Variants in KLHDC4 observed in about 807,000 individuals in gnomAD.
KLHDC4 encodes kelch domain-containing protein 4.
Under a neutral mutation model 62.4 loss-of-function variants are expected in KLHDC4, and 90 were observed. The observed-to-expected ratio is 1.44, with a 90% CI of 1.22 to 1.72. The LOEUF (loss-of-function observed/expected upper bound fraction) is 1.72, where lower values mean the gene tolerates loss of function less well. Among genes scored for constraint, KLHDC4 ranks in the 40% most tolerant of loss-of-function variants. The pLI is 0.00. For synonymous variants in KLHDC4, 386 were observed against 284.4 expected, an observed-to-expected ratio of 1.36 and a Z score of -3.59; for missense variants, 1,025 against 699.7, an observed-to-expected ratio of 1.47 and a Z score of -5.25.
chr16:87,733,790 G>A (rs1382600490), intron 5 of KLHDC4, among the ~76,000 whole-genome samples: 2 of 147,822 alleles, frequency 1.4e-5, no homozygotes, highest in African/African-American at 2.5e-5. Context: ...CTGATGACCT[G>A]CCTCGCCTCC....
chr16:87,724,371 T>C (rs1377153377), intron 7 of KLHDC4, among the ~76,000 whole-genome samples: 3 of 152,182 alleles, frequency 2.0e-5, no homozygotes, highest in African/African-American at 7.2e-5. Context: ...CGTAATAAAT[T>C]AGATTTTATC....
chr16:87,756,091 G>C (rs1809059570), intron 3 of KLHDC4: 5 of 224,250 alleles, frequency 2.2e-5, no homozygotes, highest in Non-Finnish European at 4.5e-5. Context: ...GTGAAACCTG[G>C]AAACCCGCTG....
At chr16:87,721,786 T>A (rs7184429) in intron 7 of KLHDC4, among the ~76,000 whole-genome samples, 1 of 152,096 alleles carries the variant, frequency 6.6e-6, no homozygotes, top group Non-Finnish European at 1.5e-5. Context: ...CCTCTCCTGG[T>A]TATGCATGGA....
At chr16:87,721,848 G>A (rs1387676544) in intron 7 of KLHDC4, among the ~76,000 whole-genome samples, 3 of 152,182 alleles carry the variant, frequency 2.0e-5, no homozygotes, top group Admixed American at 6.5e-5. Flanking sequence ...CAAAACGCAG[G>A]CAGGAAGGAG....
In KLHDC4 at chr16:87,711,368, G is replaced by GC; in HGVS notation, c.910dup (p.Ala304GlyfsTer14). Reference sequence around the variant, plus strand: ...GAAGAACAGTGTCTGGTGATTCGGGGCCATGGCCACGGAAAAGCCAGACCG... The same window carrying GC: ...GAAGAACAGTGTCTGGTGATTCGGGGCCCATGGCCACGGAAAAGCCAGACCG... On this transcript the variant is annotated frameshift_variant, in exon 9 of 12. Transcript: ENST00000270583. LOFTEE classifies it high-confidence loss of function. 6.2e-7 allele frequency: 1 copy of GC among 1,613,860 alleles called. No homozygotes were observed. The highest frequency in any genetic ancestry group is 1.1e-5 in the South Asian group (1 of 91,082).
At chr16:87,708,618 T>C (rs895361884) in intron 10 of KLHDC4, 152 bp from the exon 11 acceptor site, 5 of 460,542 alleles carry the variant, frequency 1.1e-5, no homozygotes, top group African/African-American at 7.9e-5. Context: ...CCCCTTCAGA[T>C]CCACAAAGGA....
chr16:87,764,204 C>G (rs1355833426), intron 1 of KLHDC4, among the ~76,000 whole-genome samples: 2 of 152,202 alleles, frequency 1.3e-5, no homozygotes. Flanking sequence ...CTAGCCTAAT[C>G]AGACGCCCAC....
chr16:87,716,063 C>A (rs926778511), intron 7 of KLHDC4, among the ~76,000 whole-genome samples: 1 of 152,200 alleles, frequency 6.6e-6, no homozygotes, highest in African/African-American at 2.4e-5. Flanking sequence ...GATATTGACA[C>A]AGACTTCAGG....
chr16:87,755,213 G>A lies in KLHDC4; in HGVS notation c.350C>T (p.Pro117Leu), dbSNP rs756167671. The change falls in exon 4 of 12, where the codon CCG becomes CTG. Residue 117 changes from proline (P) to leucine (L), a missense_variant. Pro to Leu is a moderately conservative substitution (Grantham distance 98). Coordinates refer to ENST00000270583, the MANE Select transcript of KLHDC4 (RefSeq NM_017566.4). Reference sequence around the variant, plus strand: ...CATTACCTGGTGAGCACAGCGCCTCGGAGGTGGACTGGGGATGTCAACTTT... The same window carrying A: ...CATTACCTGGTGAGCACAGCGCCTCAGAGGTGGACTGGGGATGTCAACTTT... ...WTKVDIPSPP[P>L]RRCAHQAVVV... 12 of 1,609,846 alleles carry A rather than the reference G, an allele frequency of 7.5e-6. No individual in the cohort carries two copies. The highest frequency in any genetic ancestry group is 6.7e-5 in the African/African-American group (5 of 74,816).
intron 7 of KLHDC4, among the ~76,000 whole-genome samples, chr16:87,716,357 C>T (rs923923775): frequency 6.6e-6 from 1 of 152,154 alleles, no homozygotes; most frequent in East Asian, 1.9e-4. Context: ...TGGGTACGCG[C>T]TATGTCTCGT....
At chr16:87,746,582 T>C (rs2043074503) in intron 5 of KLHDC4, among the ~76,000 whole-genome samples, 1 of 152,098 alleles carries the variant, frequency 6.6e-6, no homozygotes, top group Non-Finnish European at 1.5e-5. Context: ...CTCCGCGAGG[T>C]ATCTCTGTTC....
chr16:87,727,939 A>C (rs1025972393), intron 6 of KLHDC4, among the ~76,000 whole-genome samples: 1 of 152,142 alleles, frequency 6.6e-6, no homozygotes, highest in African/African-American at 2.4e-5. Flanking sequence ...CAATCCCAGC[A>C]CTTTGGGAGT....
exon 1 of KLHDC4, chr16:87,702,089 C>G: frequency 2.2e-6 from 1 of 456,332 alleles, no homozygotes. Context: ...CCCCCGAGAT[C>G]AGAACAGCCT....
At chr16:87,721,558 G>C (rs2038354438) in intron 7 of KLHDC4, among the ~76,000 whole-genome samples, 1 of 152,030 alleles carries the variant, frequency 6.6e-6, no homozygotes, top group Admixed American at 6.5e-5. Flanking sequence ...CGGTGACCTG[G>C]GAGAGCTGGG....
intron 8 of KLHDC4, among the ~76,000 whole-genome samples, chr16:87,713,628 G>T (rs919349831): frequency 1.3e-5 from 2 of 152,142 alleles, no homozygotes; most frequent in African/African-American, 4.8e-5. Flanking sequence ...GAACTGACGG[G>T]CAGCCACTGG....
At chr16:87,733,884 C>T (rs949423478) in intron 5 of KLHDC4, among the ~76,000 whole-genome samples, 1 of 152,262 alleles carries the variant, frequency 6.6e-6, no homozygotes, top group African/African-American at 2.4e-5. Flanking sequence ...ACACAGGTCA[C>T]AGCAACTCTG....
downstream of KLHDC4, among the ~76,000 whole-genome samples, chr16:87,707,412 G>GC (rs2034874583): frequency 2.0e-5 from 3 of 152,330 alleles, no homozygotes; most frequent in African/African-American, 7.2e-5. Context: ...CCACGCGGCG[G>GC]CAGGTGGCTC....
At chr16:87,756,198 C>A in intron 3 of KLHDC4, 1 of 487,186 alleles carries the variant, frequency 2.1e-6, no homozygotes, top group East Asian at 3.4e-5. Flanking sequence ...GGAATAGAGA[C>A]CCCAGGACCA....
intron 2 of KLHDC4, among the ~76,000 whole-genome samples, chr16:87,757,729 T>C (rs1054751787): frequency 6.6e-6 from 1 of 151,440 alleles, no homozygotes; most frequent in African/African-American, 2.4e-5. Flanking sequence ...CCGTCTCTAC[T>C]AAAAATACAA....
Sources: allele counts gnomAD v4.1 joint callset (sites outside exome capture counted in the v4.1 genomes callset), GRCh38; gene constraint gnomAD v4.1.1; transcripts MANE v1.5; gene names NCBI Gene and HGNC (gene_info 2026-07-23, HGNC 2026-07-21).